The following GPRC6A variants were observed in gnomAD, a reference collection of about 807,000 sequenced individuals.
The protein encoded by GPRC6A is G protein-coupled receptor family C group 6 member A.
In GPRC6A, 54 loss-of-function variants were observed where a neutral mutation model predicts 47.0. The observed-to-expected ratio is 1.15, with a 90% CI of 0.92 to 1.44. GPRC6A has a LOEUF of 1.44. Among genes scored for constraint, GPRC6A ranks in the 40% most tolerant of loss-of-function variants. The pLI is 0.00. For missense variants in GPRC6A, 1,112 were observed against 1,105.5 expected, an observed-to-expected ratio of 1.01 and a Z score of -0.08; for synonymous variants, 347 against 377.1, an observed-to-expected ratio of 0.92 and a Z score of 0.93.
At chr6:116,820,271 G>C (rs1471268095) in intron 1 of GPRC6A, among the ~76,000 whole-genome samples, 2 of 152,206 alleles carry the variant, frequency 1.3e-5, no homozygotes, top group Admixed American at 6.5e-5. Flanking sequence ...CTGAATTCTA[G>C]CAGAGGTAAA....
chr6:116,796,881 T>G (rs1287658576), intron 4 of GPRC6A, among the ~76,000 whole-genome samples: 1 of 152,144 alleles, frequency 6.6e-6, no homozygotes, highest in Non-Finnish European at 1.5e-5. Flanking sequence ...GGATTTTATT[T>G]ATTTATTTAT....
At position 116,795,836 on chromosome 6, in the gene GPRC6A, C is replaced by A; in HGVS notation, c.1549-1G>T. 6.3e-7 allele frequency: 1 copy of A among 1,581,672 alleles called. No homozygotes were observed. The highest frequency in any genetic ancestry group is 8.6e-7 in the Non-Finnish European group (1 of 1,161,424). ...CCTTGGAGCATTTAGATTGAATTTG[C>A]TATATTAAAAGTGAAAAAAAAAATC... On this transcript the variant is annotated splice_acceptor_variant, in intron 4 of 5. Transcript: ENST00000310357. LOFTEE classifies it high-confidence loss of function.
chr6:116,821,425 A>C (rs1204946011), intron 1 of GPRC6A, among the ~76,000 whole-genome samples: 1 of 152,160 alleles, frequency 6.6e-6, no homozygotes, highest in Non-Finnish European at 1.5e-5. Context: ...CAAAAGAACA[A>C]AGCTGGAGGC....
chr6:116,819,426 C>T (rs1472643310), intron 1 of GPRC6A, among the ~76,000 whole-genome samples: 1 of 151,736 alleles, frequency 6.6e-6, no homozygotes, highest in Non-Finnish European at 1.5e-5. Flanking sequence ...CACCACACCA[C>T]ACCTATTCCA....
chr6:116,803,300 T>C (rs1213573737), intron 3 of GPRC6A, among the ~76,000 whole-genome samples: 1 of 152,086 alleles, frequency 6.6e-6, no homozygotes, highest in African/African-American at 2.4e-5. Flanking sequence ...CAAATTGGTG[T>C]TTCTTCCTTC....
intron 1 of GPRC6A, among the ~76,000 whole-genome samples, chr6:116,821,804 G>C (rs1353430201): frequency 1.2e-4 from 18 of 151,340 alleles, no homozygotes; most frequent in South Asian, 2.1e-4. Flanking sequence ...GCATGGGCAA[G>C]GACTTCATGT....
chr6:116,806,786 T>C lies in GPRC6A; in HGVS notation c.919A>G (p.Thr307Ala), dbSNP rs1272249150. ...KMWIASDNWSTATKITTIPNV... is the reference protein window; with the variant it reads ...KMWIASDNWSAATKITTIPNV... Reference sequence around the variant, plus strand: ...GGAATGGTGGTAATCTTGGTGGCAGTTGACCAATTATCACTAGCAATCCAC... The same window carrying C: ...GGAATGGTGGTAATCTTGGTGGCAGCTGACCAATTATCACTAGCAATCCAC... The change falls in exon 3 of 6, where the codon ACT becomes GCT. Residue 307 changes from threonine to alanine, a missense_variant. Transcript: ENST00000310357. The C allele has an allele frequency of 6.2e-7, 1 of 1,613,640 alleles. No individual in the cohort carries two copies. The highest frequency in any genetic ancestry group is 1.7e-5 in the Admixed American group (1 of 59,920).
chr6:116,807,300 C>T (rs1383235602), intron 2 of GPRC6A, 94 bp from the exon 3 acceptor site: 1 of 727,292 alleles, frequency 1.4e-6, no homozygotes, highest in Admixed American at 2.4e-5. Flanking sequence ...TGTAAATTTT[C>T]ATGACTTTCC....
chr6:116,796,166 T>C (rs995819965), intron 4 of GPRC6A, among the ~76,000 whole-genome samples: 1 of 152,086 alleles, frequency 6.6e-6, no homozygotes, highest in Non-Finnish European at 1.5e-5. Context: ...TTCAATCCCA[T>C]GTTGAATGAA....
At position 116,808,493 on chromosome 6, in the gene GPRC6A, C is replaced by T. The variant is rs80253682; in HGVS notation, c.498+821G>A. On this transcript the variant is annotated intron_variant, in intron 2 of 5. Coordinates refer to ENST00000310357, the MANE Select transcript of GPRC6A (RefSeq NM_148963.4). Reference sequence around the variant, plus strand: ...CGTTTTGGATTAAATTTTTTATTACCGATGTCACTAGGCTATAATATAATG... The same window carrying T: ...CGTTTTGGATTAAATTTTTTATTACTGATGTCACTAGGCTATAATATAATG... Among the ~76,000 whole-genome samples the T allele has an allele frequency of 3.2e-3, 490 of 151,926 alleles. 2 individuals carry two copies. Among genetic ancestry groups the T allele is most frequent in the African/African-American group, 0.011 (449 of 41,436 alleles).
chr6:116,804,276 T>C (rs1226360439), intron 3 of GPRC6A, among the ~76,000 whole-genome samples: 7 of 152,110 alleles, frequency 4.6e-5, no homozygotes, highest in African/African-American at 1.7e-4. Flanking sequence ...CTCACAAATA[T>C]GACCACATAT....
At position 116,792,966 on chromosome 6, in the gene GPRC6A, C is replaced by T. The variant is rs762027576; in HGVS notation, c.1957G>A (p.Glu653Lys). Residue 653 changes from glutamate (E) to lysine (K), a missense_variant, in exon 6 of 6, where the codon GAA becomes AAA. Coordinates refer to ENST00000310357, the MANE Select transcript of GPRC6A (RefSeq NM_148963.4). Reference sequence around the variant, plus strand: ...GTTTTACATGTGAAGTCTTGTGGTTCTCCAATGAAAAAGCTCGTGCTGGCA... The same window carrying T: ...GTTTTACATGTGAAGTCTTGTGGTTTTCCAATGAAAAAGCTCGTGCTGGCA... ...NFASTSFFIGEPQDFTCKTRQ... is the reference protein window; with the variant it reads ...NFASTSFFIGKPQDFTCKTRQ... The T allele has an allele frequency of 6.2e-7, 1 of 1,614,050 alleles. No individual in the cohort carries two copies. Among genetic ancestry groups the T allele is most frequent in the Admixed American group, 1.7e-5 (1 of 59,980 alleles).
intron 2 of GPRC6A, 98 bp downstream of exon 2, chr6:116,809,216 T>C: frequency 1.1e-6 from 1 of 894,328 alleles, no homozygotes; most frequent in Non-Finnish European, 1.7e-6. Flanking sequence ...AAAGTTAAAG[T>C]AAAAGTGACT....
intron 1 of GPRC6A, among the ~76,000 whole-genome samples, chr6:116,811,378 C>T (rs1367939144): frequency 6.6e-6 from 1 of 151,642 alleles, no homozygotes; most frequent in Non-Finnish European, 1.5e-5. Context: ...AACATAAGAA[C>T]ACAGGAAACA....
intron 3 of GPRC6A, among the ~76,000 whole-genome samples, chr6:116,805,916 A>C (rs187747856): frequency 1.1e-3 from 165 of 152,174 alleles, no homozygotes; most frequent in African/African-American, 3.8e-3. Context: ...TAAACCACCA[A>C]AGACAGTGAA....
At chr6:116,796,515 C>T (rs1031476783) in intron 4 of GPRC6A, among the ~76,000 whole-genome samples, 27 of 152,092 alleles carry the variant, frequency 1.8e-4, no homozygotes, top group African/African-American at 6.3e-4. Context: ...ATTCATAGTC[C>T]CTTTCTCACA....
At chr6:116,820,383 A>T (rs555381237) in intron 1 of GPRC6A, among the ~76,000 whole-genome samples, 1,673 of 152,166 alleles carry the variant, frequency 0.011, 28 homozygotes, top group Admixed American at 0.04. Context: ...TCTGATACCA[A>T]AGCTGGGCAG....
chr6:116,808,328 T>C (rs909634564), intron 2 of GPRC6A, among the ~76,000 whole-genome samples: 8 of 152,168 alleles, frequency 5.3e-5, no homozygotes, highest in African/African-American at 1.7e-4. Context: ...TTACAGAAAT[T>C]GCATTTTTGC....
intron 1 of GPRC6A, among the ~76,000 whole-genome samples, chr6:116,828,189 T>A (rs1240015946): frequency 6.6e-6 from 1 of 152,130 alleles, no homozygotes; most frequent in East Asian, 1.9e-4. Flanking sequence ...CTGTTCTCCT[T>A]AAGGAAAATC....
Sources: gnomAD v4.1 joint callset for allele counts (sites outside exome capture counted in the v4.1 genomes callset) on GRCh38, gnomAD v4.1.1 for gene constraint, MANE v1.5 for transcripts, NCBI Gene and HGNC (gene_info 2026-07-23, HGNC 2026-07-21) for gene names.